The following GRM7 variants were observed in gnomAD, a reference collection of about 807,000 sequenced individuals.
The protein encoded by GRM7 is glutamate metabotropic receptor 7.
A neutral mutation model predicts 84.5 loss-of-function variants in GRM7; 35 were observed. That is an observed-to-expected ratio of 0.41 (90% CI 0.32 to 0.55). The LOEUF is 0.55. GRM7 is among the 20% of genes least tolerant of loss of function. GRM7 has a pLI of 0.19. For missense variants in GRM7, 1,003 were observed against 1,194.6 expected, an observed-to-expected ratio of 0.84 and a Z score of 2.36; for synonymous variants, 487 against 455.1, an observed-to-expected ratio of 1.07 and a Z score of -0.89.
chr3:7,587,290 G>A (rs891479043), intron 8 of GRM7, among the ~76,000 whole-genome samples: 1 of 152,092 alleles, frequency 6.6e-6, no homozygotes, highest in East Asian at 1.9e-4. Flanking sequence ...TATTTGTAAT[G>A]ATATTACAAT....
intron 5 of GRM7, among the ~76,000 whole-genome samples, chr3:7,435,494 G>T (rs1448471398): frequency 1.3e-5 from 2 of 151,642 alleles, no homozygotes; most frequent in African/African-American, 2.4e-5. Context: ...TGATTAGTTT[G>T]TCCTAGAGAT....
intron 2 of GRM7, among the ~76,000 whole-genome samples, chr3:7,239,625 T>C (rs1697475149): frequency 6.6e-6 from 1 of 152,184 alleles, no homozygotes; most frequent in Non-Finnish European, 1.5e-5. Context: ...GTAAAGCAGA[T>C]GGCTCTTCCT....
intron 2 of GRM7, among the ~76,000 whole-genome samples, chr3:7,264,545 C>T (rs1465513770): frequency 7.4e-4 from 2 of 2,718 alleles, no homozygotes; most frequent in Non-Finnish European, 0.019. Context: ...TACATGGTAG[C>T]CCCATGCAGG....
At chr3:7,311,466 T>C (rs1476716643) in intron 4 of GRM7, among the ~76,000 whole-genome samples, 1 of 151,760 alleles carries the variant, frequency 6.6e-6, no homozygotes, top group African/African-American at 2.4e-5. Context: ...AATGGACTAA[T>C]GGAATGCATG....
chr3:7,682,918 C>A (rs2125143714), intron 9 of GRM7, among the ~76,000 whole-genome samples: 1 of 152,282 alleles, frequency 6.6e-6, no homozygotes, highest in Admixed American at 6.5e-5. Flanking sequence ...TATTGTTATT[C>A]TTATTTTACT....
chr3:7,645,566 A>AAG (rs954598844), intron 8 of GRM7, among the ~76,000 whole-genome samples: 3 of 149,906 alleles, frequency 2.0e-5, no homozygotes, highest in African/African-American at 7.5e-5. Context: ...AAAAAAAAAA[A>AAG]AAAAAGAAAA....
intron 3 of GRM7, among the ~76,000 whole-genome samples, chr3:7,301,893 T>C (rs1476180150): frequency 6.6e-6 from 1 of 152,178 alleles, no homozygotes; most frequent in Non-Finnish European, 1.5e-5. Flanking sequence ...GAACGTTAAC[T>C]TCAGATACTT....
intron 2 of GRM7, among the ~76,000 whole-genome samples, chr3:7,282,863 C>T (rs1699302681): frequency 6.6e-6 from 1 of 152,170 alleles, no homozygotes; most frequent in Non-Finnish European, 1.5e-5. Context: ...GAGAGGAACT[C>T]ATTTGAAAAA....
At chr3:7,343,159 C>T in intron 4 of GRM7, among the ~76,000 whole-genome samples, 1 of 152,076 alleles carries the variant, frequency 6.6e-6, no homozygotes, top group Non-Finnish European at 1.5e-5. Flanking sequence ...GACATGTGGC[C>T]CCCTTTAGCA....
chr3:7,189,686 G>A (rs1476157156), intron 2 of GRM7, among the ~76,000 whole-genome samples: 1 of 152,092 alleles, frequency 6.6e-6, no homozygotes, highest in African/African-American at 2.4e-5. Context: ...GGAGGAGCTG[G>A]TTTGCAGGAT....
chr3:7,475,278 G>A (rs1698875837), intron 7 of GRM7, among the ~76,000 whole-genome samples: 1 of 152,140 alleles, frequency 6.6e-6, no homozygotes, highest in South Asian at 2.1e-4. Flanking sequence ...TATCTTAGCA[G>A]GGAACTTGAT....
intron 2 of GRM7, among the ~76,000 whole-genome samples, chr3:7,274,011 G>A (rs1327768425): frequency 2.0e-5 from 3 of 151,418 alleles, no homozygotes; most frequent in Non-Finnish European, 4.4e-5. Flanking sequence ...TTCTTTATTA[G>A]TATATTGATT....
At chr3:7,392,007 G>C (rs1695020473) in intron 4 of GRM7, among the ~76,000 whole-genome samples, 1 of 152,180 alleles carries the variant, frequency 6.6e-6, no homozygotes, top group African/African-American at 2.4e-5. Flanking sequence ...CTATTCTTGA[G>C]TTTTGGTGGT....
intron 1 of GRM7, among the ~76,000 whole-genome samples, chr3:6,927,290 T>A (rs902849046): frequency 2.0e-5 from 3 of 151,858 alleles, no homozygotes; most frequent in Admixed American, 6.6e-5. Flanking sequence ...TAGCCAGGCA[T>A]GGTGGTGCAT....
At chr3:7,473,905 C>T (rs1698814293) in intron 7 of GRM7, among the ~76,000 whole-genome samples, 1 of 152,114 alleles carries the variant, frequency 6.6e-6, no homozygotes. Context: ...GAATTTCTTA[C>T]AATAGTAAAA....
chr3:7,580,918 G>T (rs1052882562), intron 8 of GRM7, among the ~76,000 whole-genome samples: 1 of 151,898 alleles, frequency 6.6e-6, no homozygotes, highest in African/African-American at 2.4e-5. Flanking sequence ...ATATGTGCTC[G>T]TAAGTTGATA....
chr3:7,653,213 T>C (rs1699035840), intron 8 of GRM7, among the ~76,000 whole-genome samples: 1 of 137,282 alleles, frequency 7.3e-6, no homozygotes, highest in Non-Finnish European at 1.6e-5. Context: ...TTGCTTTACA[T>C]CTTTCTCCCC....
intron 4 of GRM7, among the ~76,000 whole-genome samples, chr3:7,372,806 G>T (rs189068923): frequency 6.6e-6 from 1 of 151,940 alleles, no homozygotes; most frequent in Non-Finnish European, 1.5e-5. Context: ...TATGTGACAG[G>T]GGTGTGTCAA....
chr3:7,243,279 GT>G (rs1173392376), intron 2 of GRM7, among the ~76,000 whole-genome samples: 1 of 152,094 alleles, frequency 6.6e-6, no homozygotes, highest in Non-Finnish European at 1.5e-5. Flanking sequence ...TTGGCTTAAG[GT>G]AAAACAGTAT....
Sources: gnomAD v4.1 joint callset for allele counts (sites outside exome capture counted in the v4.1 genomes callset) on GRCh38, gnomAD v4.1.1 for gene constraint, MANE v1.5 for transcripts, NCBI Gene and HGNC (gene_info 2026-07-23, HGNC 2026-07-21) for gene names.